The following POLA1 variants were observed in gnomAD, a reference collection of about 807,000 sequenced individuals.
POLA1 encodes the protein DNA polymerase alpha 1, catalytic subunit, also known as DNA polymerase alpha catalytic subunit.
Under a neutral mutation model 124.0 loss-of-function variants are expected in POLA1, and 15 were observed. That is an observed-to-expected ratio of 0.12 (90% CI 0.08 to 0.19). POLA1 has a LOEUF of 0.19. POLA1 is among the 10% of genes least tolerant of loss of function. The pLI is 1.00. For missense variants in POLA1, 886 were observed against 1,103.4 expected (o/e 0.80, Z 2.79); for synonymous variants, 408 against 389.4 (o/e 1.05, Z -0.56).
At chrX:24,832,567 G>A (rs1052011819) in intron 32 of POLA1, among the ~76,000 whole-genome samples, 16 of 112,074 alleles carry the variant, frequency 1.4e-4, no homozygotes, top group African/African-American at 5.2e-4. Flanking sequence ...GAAAATTGCG[G>A]ATTTCTCAAA....
intron 36 of POLA1, among the ~76,000 whole-genome samples, chrX:24,958,336 C>T (rs2048130801): frequency 8.9e-6 from 1 of 112,211 alleles, no homozygotes; most frequent in African/African-American, 3.2e-5. Context: ...ATTTAGTTCA[C>T]TCAACAGCTC....
At chrX:24,925,087 A>C (rs745944640) in intron 35 of POLA1, among the ~76,000 whole-genome samples, 3 of 112,146 alleles carry the variant, frequency 2.7e-5, no homozygotes, top group Non-Finnish European at 5.6e-5. Context: ...CCTAGATTTA[A>C]CTGTATCTTC....
At chrX:24,712,825 C>T (rs949849794) in intron 4 of POLA1, among the ~76,000 whole-genome samples, 9 of 112,186 alleles carry the variant, frequency 8.0e-5, no homozygotes, top group Non-Finnish European at 1.5e-4. Flanking sequence ...TTAATAAAGT[C>T]CATCTTTTCC....
intron 32 of POLA1, among the ~76,000 whole-genome samples, chrX:24,834,435 A>G (rs2046314068): frequency 8.9e-6 from 1 of 112,157 alleles, no homozygotes; most frequent in Non-Finnish European, 1.9e-5. Context: ...TCTGACACTT[A>G]TACAGTAAAT....
chrX:24,936,339 T>A (rs1251767810), intron 36 of POLA1, among the ~76,000 whole-genome samples: 1 of 112,142 alleles, frequency 8.9e-6, no homozygotes, highest in African/African-American at 3.2e-5. Flanking sequence ...CCTGAACTGT[T>A]AAAGTGAAAG....
intron 34 of POLA1, among the ~76,000 whole-genome samples, chrX:24,855,423 G>A (rs1279876000): frequency 9.0e-6 from 1 of 111,512 alleles, no homozygotes; most frequent in East Asian, 2.8e-4. Context: ...TTCCATCTGC[G>A]ACCCACCATA....
chrX:24,851,591 T>G (rs2046562637), intron 34 of POLA1, among the ~76,000 whole-genome samples: 1 of 113,298 alleles, frequency 8.8e-6, no homozygotes, highest in East Asian at 2.8e-4. Flanking sequence ...GAAGCACGTG[T>G]TGAACCTGGG....
At chrX:24,817,666 T>C (rs1437239771) in intron 30 of POLA1, among the ~76,000 whole-genome samples, 1 of 110,288 alleles carries the variant, frequency 9.1e-6, no homozygotes, top group Non-Finnish European at 1.9e-5. Context: ...ATTCTTAACT[T>C]TCATTTAATA....
intron 30 of POLA1, among the ~76,000 whole-genome samples, chrX:24,820,525 G>C (rs998184022): frequency 9.0e-6 from 1 of 110,764 alleles, no homozygotes; most frequent in African/African-American, 3.3e-5. Flanking sequence ...CTTTTTGTTT[G>C]TTTCTCTGCC....
At chrX:24,770,399 C>T (rs2045005589) in intron 26 of POLA1, among the ~76,000 whole-genome samples, 2 of 111,758 alleles carry the variant, frequency 1.8e-5, no homozygotes, top group African/African-American at 6.5e-5. Flanking sequence ...TGCCCATGCC[C>T]ACAGAATATC....
At chrX:24,804,933 C>T (rs1222283381) in intron 26 of POLA1, among the ~76,000 whole-genome samples, 2 of 111,566 alleles carry the variant, frequency 1.8e-5, no homozygotes, top group Non-Finnish European at 3.8e-5. Flanking sequence ...TTAACCTTGG[C>T]ACACACAAAA....
intron 26 of POLA1, among the ~76,000 whole-genome samples, chrX:24,777,527 TAA>T (rs11094972): frequency 1.8e-5 from 2 of 111,082 alleles, no homozygotes; most frequent in African/African-American, 6.5e-5. Context: ...TGTCTTGTAT[TAA>T]AAAAACACAT....
intron 36 of POLA1, among the ~76,000 whole-genome samples, chrX:24,940,987 C>G (rs1056464464): frequency 3.6e-5 from 4 of 112,119 alleles, no homozygotes; most frequent in African/African-American, 9.7e-5. Flanking sequence ...CTATTTTTCT[C>G]TAGTAGTTAG....
intron 27 of POLA1, 109 bp downstream of exon 27, chrX:24,810,039 G>A (rs2045872562): frequency 4.1e-6 from 2 of 482,438 alleles, no homozygotes; most frequent in East Asian, 7.6e-5. Flanking sequence ...TTCTTAGGTT[G>A]CCTAGTTTAA....
At position 24,733,763 on chromosome X, in the gene POLA1, A is replaced by C; in HGVS notation, c.1780A>C (p.Lys594Gln). The change falls in exon 17 of 37, where the codon AAA becomes CAA. Residue 594 changes from lysine (K) to glutamine (Q), a missense_variant. Transcript: ENST00000379068. Reference sequence around the variant, plus strand: ...TTTTTTCCTTTTTACAGTTGTGTCTAAACCAAAGGACTGTATTTTTCCATA... The same window carrying C: ...TTTTTTCCTTTTTACAGTTGTGTCTCAACCAAAGGACTGTATTTTTCCATA... Reference protein sequence around the residue: ...PFQSHFCVVSKPKDCIFPYAF... With the variant: ...PFQSHFCVVSQPKDCIFPYAF... 8.8e-7 allele frequency: 1 copy of C among 1,130,931 alleles called. No homozygotes were observed. The highest frequency in any genetic ancestry group is 1.2e-6 in the Non-Finnish European group (1 of 830,957). The allele number at this position is 1,130,931 out of a possible 1,213,427, so 93.2% of individuals were successfully genotyped here. A position where few individuals can be genotyped will look rare whatever the true frequency, so the allele number is the denominator to read the frequency against.
intron 15 of POLA1, among the ~76,000 whole-genome samples, chrX:24,729,945 C>A (rs967570098): frequency 1.8e-5 from 2 of 110,289 alleles, no homozygotes; most frequent in Non-Finnish European, 3.8e-5. Context: ...ACTGGGATTA[C>A]AGGTGCGGGC....
At chrX:24,815,429 G>A (rs1027203436) in intron 30 of POLA1, among the ~76,000 whole-genome samples, 1 of 110,425 alleles carries the variant, frequency 9.1e-6, no homozygotes, top group African/African-American at 3.3e-5. Context: ...CCATAGGACT[G>A]GAGAACACTA....
At chrX:24,725,018 C>A (rs1022566821) in intron 12 of POLA1, among the ~76,000 whole-genome samples, 1 of 110,783 alleles carries the variant, frequency 9.0e-6, no homozygotes, top group African/African-American at 3.3e-5. Context: ...ATAAGGCTAA[C>A]AGTATTAACT....
chrX:24,824,298 T>A (rs1215403687), intron 31 of POLA1, among the ~76,000 whole-genome samples: 1 of 110,002 alleles, frequency 9.1e-6, no homozygotes, highest in African/African-American at 3.3e-5. Context: ...TATTATTATT[T>A]TTTTTTAATT....
Sources: allele counts gnomAD v4.1 joint callset (sites outside exome capture counted in the v4.1 genomes callset), GRCh38; gene constraint gnomAD v4.1.1; transcripts MANE v1.5; gene names NCBI Gene and HGNC (gene_info 2026-07-23, HGNC 2026-07-21).